SEMA3E: variants seen among roughly 807,000 people sequenced by gnomAD.
SEMA3E encodes semaphorin 3E.
In SEMA3E, 49 loss-of-function variants were observed where a neutral mutation model predicts 93.6. The observed-to-expected ratio is 0.52, with a 90% confidence interval of 0.42 to 0.66. SEMA3E has a LOEUF of 0.66. Among genes scored for constraint, SEMA3E ranks in the 30% least tolerant of loss-of-function variants. The pLI, the probability that SEMA3E is intolerant of heterozygous loss-of-function variation, is 0.00. For missense variants in SEMA3E, 906 were observed against 964.8 expected (o/e 0.94, Z 0.81); for synonymous variants, 363 against 330.7 (o/e 1.10, Z -1.06).
At chr7:83,400,296 A>T (rs1320693402) in intron 10 of SEMA3E, 46 bp from the exon 11 acceptor site, 2 of 1,557,928 alleles carry the variant, frequency 1.3e-6, no homozygotes, top group Admixed American at 3.3e-5. Context: ...TTACACCCAA[A>T]GAGAAAATTT....
chr7:83,458,847 CTTTT>C (rs915921794), intron 4 of SEMA3E, among the ~76,000 whole-genome samples: 40 of 146,286 alleles, frequency 2.7e-4, no homozygotes, highest in Non-Finnish European at 4.9e-4. Flanking sequence ...ATATATTTTT[CTTTT>C]TTGTTATATA....
At chr7:83,639,602 T>A (rs1290078289) in intron 1 of SEMA3E, among the ~76,000 whole-genome samples, 1 of 151,108 alleles carries the variant, frequency 6.6e-6, no homozygotes, top group Non-Finnish European at 1.5e-5. Context: ...AACAATTACA[T>A]AAATTAGAAA....
intron 16 of SEMA3E, among the ~76,000 whole-genome samples, chr7:83,381,485 C>A (rs10261820): frequency 0.059 from 8,904 of 151,902 alleles, 851 homozygotes; most frequent in African/African-American, 0.2. Context: ...CTTAGTGAGG[C>A]CTTCTATGGC....
intron 1 of SEMA3E, among the ~76,000 whole-genome samples, chr7:83,558,115 T>C (rs1791957816): frequency 6.6e-6 from 1 of 152,166 alleles, no homozygotes; most frequent in Admixed American, 6.6e-5. Flanking sequence ...TTCATAATAT[T>C]TGTAATTTAA....
At chr7:83,374,748 T>C (rs1367985419) in intron 16 of SEMA3E, among the ~76,000 whole-genome samples, 2 of 152,144 alleles carry the variant, frequency 1.3e-5, no homozygotes, top group Non-Finnish European at 2.9e-5. Flanking sequence ...CCTGTTCAAT[T>C]TGCAAACATA....
At chr7:83,536,880 C>T (rs1374138432) in intron 1 of SEMA3E, among the ~76,000 whole-genome samples, 2 of 152,034 alleles carry the variant, frequency 1.3e-5, no homozygotes, top group Non-Finnish European at 2.9e-5. Context: ...ATTGTGTCCC[C>T]ACAAATTTTG....
chr7:83,500,478 A>G (rs12535437), intron 1 of SEMA3E, among the ~76,000 whole-genome samples: 55,849 of 151,534 alleles, frequency 0.37, 11,113 homozygotes, highest in East Asian at 0.43. Context: ...TACTTAAAGG[A>G]GGGGAGAGAA....
intron 4 of SEMA3E, among the ~76,000 whole-genome samples, chr7:83,445,871 C>T (rs186634201): frequency 5.5e-4 from 83 of 152,230 alleles, no homozygotes; most frequent in African/African-American, 1.8e-3. Context: ...TTTTACTTTA[C>T]GGCCTCCATT....
In SEMA3E at chr7:83,544,181, G is replaced by C. The variant is rs368563374; in HGVS notation, c.116-53907C>G. Among the ~76,000 whole-genome samples the C allele has an allele frequency of 6.6e-5, 10 of 151,966 alleles. No homozygotes were observed. In the East Asian group the frequency reaches 1.2e-3, roughly 18 times the overall value. ...ACTATTTGTGGGTTTTTAATGGCAG[G>C]CTTGTTAAAATACATTTAAGAGAAG... On this transcript the variant is annotated intron_variant, in intron 1 of 16. Coordinates refer to ENST00000643230, the MANE Select transcript of SEMA3E (RefSeq NM_012431.3).
chr7:83,641,291 T>A, intron 1 of SEMA3E: 1 of 623,352 alleles, frequency 1.6e-6, no homozygotes. Flanking sequence ...GTTGAATGCC[T>A]ACTAAGTGTC....
Position 83,367,861 on chromosome 7 carries a change from C to T in SEMA3E, c.2053G>A (p.Asp685Asn), listed in dbSNP as rs768606535. Residue 685 changes from aspartate to asparagine, a missense_variant, in exon 17 of 17, where the codon GAC becomes AAC. Coordinates refer to ENST00000643230, the MANE Select transcript of SEMA3E (RefSeq NM_012431.3). ...EEKVEDMFNK[D>N]DEEDRHHRMP... ...CTGTGATGCCTGTCCTCCTCATCGT[C>T]CTTGTTAAACATATCCTCGACTTTC... 5.8e-5 allele frequency: 93 copies of T among 1,612,400 alleles called. No homozygotes were observed. The highest frequency in any genetic ancestry group is 7.5e-5 in the Non-Finnish European group (88 of 1,178,916).
chr7:83,463,864 G>GC (rs1789691633), intron 4 of SEMA3E, among the ~76,000 whole-genome samples: 2 of 152,050 alleles, frequency 1.3e-5, no homozygotes, highest in African/African-American at 2.4e-5. Context: ...TCGAGGATTT[G>GC]CCCCACCCAG....
intron 14 of SEMA3E, among the ~76,000 whole-genome samples, chr7:83,390,101 ACG>A (rs1787982425): frequency 8.9e-6 from 1 of 112,942 alleles, no homozygotes; most frequent in African/African-American, 3.2e-5. Flanking sequence ...ATGCGCGTAT[ACG>A]TGTGCACATA....
intron 14 of SEMA3E, 54 bp downstream of exon 14, chr7:83,392,501 A>G: frequency 1.3e-6 from 2 of 1,502,186 alleles, no homozygotes; most frequent in South Asian, 1.2e-5. Flanking sequence ...AAAAAAAAAA[A>G]GCATTAGGGT....
chr7:83,434,978 G>A (rs1215014981), intron 4 of SEMA3E, among the ~76,000 whole-genome samples: 2 of 151,988 alleles, frequency 1.3e-5, no homozygotes, highest in African/African-American at 2.4e-5. Flanking sequence ...CTCCCAAAGT[G>A]CTGGGATTAC....
In SEMA3E at chr7:83,392,553, A is replaced by G; in HGVS notation, c.1667+2T>C. 6.2e-7 allele frequency: 1 copy of G among 1,613,050 alleles called. No homozygotes were observed. The highest frequency in any genetic ancestry group is 8.5e-7 in the Non-Finnish European group (1 of 1,179,624). On this transcript the variant is annotated splice_donor_variant, in intron 14 of 16. Coordinates refer to ENST00000643230, the MANE Select transcript of SEMA3E (RefSeq NM_012431.3). LOFTEE classifies it high-confidence loss of function. ...AATAGTTAATCAGGTAGCACGTCTC[A>G]CCTTTTTGCATGTGTGCCTGTTGGG...
At chr7:83,440,422 G>A (rs1414011219) in intron 4 of SEMA3E, among the ~76,000 whole-genome samples, 1 of 152,148 alleles carries the variant, frequency 6.6e-6, no homozygotes, top group African/African-American at 2.4e-5. Context: ...TTTTCTGTCT[G>A]TGGGGTATTG....
chr7:83,428,040 TGTGGG>T (rs948585656), intron 4 of SEMA3E, among the ~76,000 whole-genome samples: 14 of 152,232 alleles, frequency 9.2e-5, no homozygotes, highest in Admixed American at 4.6e-4. Flanking sequence ...TAACCACTAA[TGTGGG>T]CAGATACATG....
At chr7:83,642,059 G>A (rs373075564) in intron 1 of SEMA3E, among the ~76,000 whole-genome samples, 17 of 152,224 alleles carry the variant, frequency 1.1e-4, no homozygotes, top group Admixed American at 4.6e-4. Context: ...ACTGAAATTC[G>A]AATGTAAGAG....
Sources: gnomAD v4.1 joint callset for allele counts (sites outside exome capture counted in the v4.1 genomes callset) on GRCh38, gnomAD v4.1.1 for gene constraint, MANE v1.5 for transcripts, NCBI Gene and HGNC (gene_info 2026-07-23, HGNC 2026-07-21) for gene names.